The following RANBP17 variants were observed in gnomAD, a reference collection of about 807,000 sequenced individuals.
RANBP17 encodes the protein RAN binding protein 17.
Under a neutral mutation model 141.2 loss-of-function variants are expected in RANBP17, and 158 were observed. The observed-to-expected ratio is 1.12, with a 90% CI of 0.98 to 1.28. The LOEUF (loss-of-function observed/expected upper bound fraction) is 1.28, where lower values mean the gene tolerates loss of function less well. Ranked by LOEUF, RANBP17 falls within the 50% of genes most tolerant of loss-of-function variation. The pLI, the probability that RANBP17 is intolerant of heterozygous loss-of-function variation, is 0.00. For synonymous variants in RANBP17, 430 were observed against 450.0 expected (o/e 0.96, Z 0.56); for missense variants, 1,438 against 1,290.7 (o/e 1.11, Z -1.75).
chr5:171,269,172 A>G (rs1409352489), intron 25 of RANBP17, among the ~76,000 whole-genome samples: 1 of 152,158 alleles, frequency 6.6e-6, no homozygotes, highest in South Asian at 2.1e-4. Context: ...GATGTCAGCT[A>G]TTAGGTATAG....
chr5:171,103,959 T>C (rs548081365), intron 14 of RANBP17, among the ~76,000 whole-genome samples: 1 of 152,330 alleles, frequency 6.6e-6, no homozygotes, highest in African/African-American at 2.4e-5. Flanking sequence ...CCCAATGAGA[T>C]GAGCCAGGTA....
At chr5:171,296,050 T>C (rs1192517409) in intron 27 of RANBP17, 36 bp downstream of exon 27, 4 of 1,598,108 alleles carry the variant, frequency 2.5e-6, no homozygotes, top group Non-Finnish European at 2.6e-6. Flanking sequence ...CTGGGGGAAG[T>C]AGACATTCCA....
chr5:170,871,576 T>C (rs1187086987), intron 1 of RANBP17, among the ~76,000 whole-genome samples: 1 of 152,230 alleles, frequency 6.6e-6, no homozygotes, highest in African/African-American at 2.4e-5. Flanking sequence ...TTTGGCAATT[T>C]CGCCATAAAA....
At chr5:171,044,414 T>C (rs1782440756) in intron 14 of RANBP17, among the ~76,000 whole-genome samples, 1 of 152,064 alleles carries the variant, frequency 6.6e-6, no homozygotes, top group African/African-American at 2.4e-5. Context: ...TTTTACCTTA[T>C]TAGCAATTTT....
chr5:171,075,187 GT>G (rs1488035773), intron 14 of RANBP17, among the ~76,000 whole-genome samples: 1 of 152,162 alleles, frequency 6.6e-6, no homozygotes, highest in Non-Finnish European at 1.5e-5. Flanking sequence ...TTTAAATGCA[GT>G]TCTTGCTTTA....
intron 14 of RANBP17, among the ~76,000 whole-genome samples, chr5:171,062,369 T>G (rs533849423): frequency 4.3e-4 from 65 of 152,320 alleles, no homozygotes; most frequent in South Asian, 1.2e-3. Flanking sequence ...TGACAAAATC[T>G]CTCAGCATTT....
chr5:170,879,217 C>G (rs1280676679), intron 2 of RANBP17, among the ~76,000 whole-genome samples: 1 of 152,070 alleles, frequency 6.6e-6, no homozygotes, highest in Non-Finnish European at 1.5e-5. Flanking sequence ...AGTCCATGAG[C>G]ATATGATTAT....
intron 14 of RANBP17, among the ~76,000 whole-genome samples, chr5:171,034,136 A>G (rs1192632160): frequency 2.0e-5 from 3 of 152,126 alleles, no homozygotes; most frequent in Non-Finnish European, 4.4e-5. Context: ...TGAATGAATA[A>G]ATATCAAATA....
intron 14 of RANBP17, among the ~76,000 whole-genome samples, chr5:170,978,960 T>C (rs1304317076): frequency 2.0e-5 from 3 of 152,150 alleles, no homozygotes; most frequent in Non-Finnish European, 2.9e-5. Context: ...TGTTACACAG[T>C]GGGATTATGT....
chr5:170,893,393 G>A (rs566393016), intron 4 of RANBP17, among the ~76,000 whole-genome samples: 1 of 152,234 alleles, frequency 6.6e-6, no homozygotes, highest in African/African-American at 2.4e-5. Flanking sequence ...TGACTGTCAT[G>A]CCTTGCTCAG....
intron 20 of RANBP17, chr5:171,207,830 T>C (rs536559804): frequency 6.6e-6 from 1 of 152,338 alleles, no homozygotes; most frequent in Admixed American, 6.5e-5. Context: ...TTTATAATAA[T>C]AGTAAAATTT....
intron 14 of RANBP17, among the ~76,000 whole-genome samples, chr5:170,980,365 C>G (rs765972969): frequency 1.1e-4 from 16 of 152,166 alleles, no homozygotes; most frequent in Admixed American, 3.9e-4. Context: ...GAATATTAAT[C>G]CCCAAGACAA....
At chr5:170,927,498 A>G (rs1297918563) in intron 12 of RANBP17, among the ~76,000 whole-genome samples, 1 of 152,056 alleles carries the variant, frequency 6.6e-6, no homozygotes, top group African/African-American at 2.4e-5. Context: ...AAATTTACAT[A>G]AGAGCCATTT....
At chr5:170,907,224 C>T (rs1020460576) in intron 5 of RANBP17, among the ~76,000 whole-genome samples, 1 of 151,836 alleles carries the variant, frequency 6.6e-6, no homozygotes, top group Non-Finnish European at 1.5e-5. Context: ...GGAGTATATT[C>T]ACTATCCAGT....
intron 18 of RANBP17, 71 bp from the exon 19 acceptor site, chr5:171,199,599 C>A: frequency 4.7e-6 from 4 of 843,258 alleles, no homozygotes; most frequent in Non-Finnish European, 7.4e-6. Flanking sequence ...CTAAATGAAG[C>A]ACTCAATGCT....
At chr5:171,048,509 C>CA (rs1782743190) in intron 14 of RANBP17, among the ~76,000 whole-genome samples, 1 of 151,644 alleles carries the variant, frequency 6.6e-6, no homozygotes, top group South Asian at 2.1e-4. Flanking sequence ...TTCAGGGGTA[C>CA]ATGTGCAGGT....
chr5:171,155,088 AAAAAAAATATATATATATAT>A (rs1222989546), intron 14 of RANBP17, among the ~76,000 whole-genome samples: 11 of 109,080 alleles, frequency 1.0e-4, no homozygotes, highest in Admixed American at 4.8e-4. Context: ...GAAAAAAAAA[AAAAAAAATATATATATATAT>A]ATATATATAT....
chr5:171,293,380 AGAAACCTC>A (rs1343638491), intron 25 of RANBP17, among the ~76,000 whole-genome samples: 1 of 152,238 alleles, frequency 6.6e-6, no homozygotes, highest in Non-Finnish European at 1.5e-5. Flanking sequence ...AAGAGTGAAG[AGAAACCTC>A]GAACAGCCTA....
intron 20 of RANBP17, among the ~76,000 whole-genome samples, chr5:171,210,454 T>C (rs2127968369): frequency 6.6e-6 from 1 of 152,304 alleles, no homozygotes; most frequent in African/African-American, 2.4e-5. Context: ...AATATCCTGG[T>C]CCTAATGCCA....
Sources: gnomAD v4.1 joint callset for allele counts (sites outside exome capture counted in the v4.1 genomes callset) on GRCh38, gnomAD v4.1.1 for gene constraint, MANE v1.5 for transcripts, NCBI Gene and HGNC (gene_info 2026-07-23, HGNC 2026-07-21) for gene names.